PACRG: variants seen among roughly 807,000 people sequenced by gnomAD.
The protein encoded by PACRG is parkin coregulated, also known as parkin coregulated gene protein.
PACRG carries 29 observed loss-of-function variants against 29.7 expected under a neutral mutation model. That is an observed-to-expected ratio of 0.98 (90% confidence interval 0.73 to 1.33). PACRG has a LOEUF of 1.33. Ranked by LOEUF, PACRG falls within the 40% of genes most tolerant of loss-of-function variation. The probability of loss-of-function intolerance (pLI) is 0.00; values close to 1 mark genes in which losing one functional copy is unlikely to be tolerated. For synonymous variants in PACRG, 116 were observed against 118.7 expected (o/e 0.98, Z 0.15); for missense variants, 279 against 316.2 (o/e 0.88, Z 0.89).
chr6:163,008,065 A>G (rs1409639646), intron 2 of PACRG, among the ~76,000 whole-genome samples: 1 of 152,220 alleles, frequency 6.6e-6, no homozygotes, highest in African/African-American at 2.4e-5. Context: ...CTCTAGAAGC[A>G]CATTAGAGAA....
chr6:163,144,400 A>G (rs1433901480), intron 4 of PACRG, among the ~76,000 whole-genome samples: 1 of 152,128 alleles, frequency 6.6e-6, no homozygotes, highest in Non-Finnish European at 1.5e-5. Context: ...GTGGGTTAGT[A>G]ATATGTAATG....
intron 4 of PACRG, among the ~76,000 whole-genome samples, chr6:163,309,029 ATT>A (rs143771127): frequency 6.6e-6 from 1 of 151,572 alleles, no homozygotes; most frequent in African/African-American, 2.4e-5. Flanking sequence ...TTCTGTCAGC[ATT>A]TTTTTTTTAA....
chr6:163,314,426 C>A (rs1321371025), intron 4 of PACRG, among the ~76,000 whole-genome samples: 7 of 152,130 alleles, frequency 4.6e-5, no homozygotes, highest in African/African-American at 1.7e-4. Flanking sequence ...AAAGCAGATC[C>A]ATTTTAAATC....
intron 1 of PACRG, among the ~76,000 whole-genome samples, chr6:162,764,747 C>CT (rs35179604): frequency 0.079 from 11,426 of 144,186 alleles, 597 homozygotes; most frequent in Middle Eastern, 0.16. Context: ...GGAATCCAAA[C>CT]TTTTTTTTTT....
At chr6:162,848,118 G>A (rs1175230873) in intron 2 of PACRG, among the ~76,000 whole-genome samples, 2 of 152,126 alleles carry the variant, frequency 1.3e-5, no homozygotes, top group East Asian at 1.9e-4. Flanking sequence ...TGGAGGCTGC[G>A]GCCCAGGAGA....
At chr6:162,952,096 A>T (rs1799697213) in intron 2 of PACRG, among the ~76,000 whole-genome samples, 1 of 152,206 alleles carries the variant, frequency 6.6e-6, no homozygotes, top group Admixed American at 6.5e-5. Flanking sequence ...ATGATCCTTT[A>T]TCTCTACCTC....
intron 2 of PACRG, among the ~76,000 whole-genome samples, chr6:162,936,349 A>G (rs1406231683): frequency 6.6e-6 from 1 of 152,220 alleles, no homozygotes; most frequent in Non-Finnish European, 1.5e-5. Flanking sequence ...ACTTGCCATA[A>G]GTAGAATCTC....
At chr6:163,312,952 G>T (rs1785491867) in intron 4 of PACRG, 3 of 245,034 alleles carry the variant, frequency 1.2e-5, no homozygotes, top group Non-Finnish European at 2.5e-5. Flanking sequence ...ATGGGGTCTT[G>T]CTGTTGTTGC....
chr6:162,970,983 G>T (rs959568187), intron 2 of PACRG, among the ~76,000 whole-genome samples: 1 of 152,178 alleles, frequency 6.6e-6, no homozygotes, highest in Non-Finnish European at 1.5e-5. Context: ...ACGAGATGTG[G>T]TCATCTTCAC....
chr6:163,165,053 G>A (rs1000080874), intron 4 of PACRG, among the ~76,000 whole-genome samples: 2 of 152,020 alleles, frequency 1.3e-5, no homozygotes, highest in Non-Finnish European at 2.9e-5. Context: ...GTCTATGGGG[G>A]TTTAAAAAAA....
chr6:162,913,854 CT>C (rs1796488356), intron 2 of PACRG, among the ~76,000 whole-genome samples: 2 of 152,020 alleles, frequency 1.3e-5, no homozygotes, highest in African/African-American at 4.8e-5. Context: ...TTTTTATGTA[CT>C]TTTTAGTGTG....
chr6:162,854,151 G>A (rs1438544215), intron 2 of PACRG, among the ~76,000 whole-genome samples: 2 of 132,512 alleles, frequency 1.5e-5, no homozygotes, highest in Non-Finnish European at 3.2e-5. Flanking sequence ...GGGAGAAGGA[G>A]ACCATTTTCT....
chr6:163,131,291 G>A (rs895605059), intron 4 of PACRG, among the ~76,000 whole-genome samples: 11 of 147,370 alleles, frequency 7.5e-5, no homozygotes, highest in Non-Finnish European at 1.0e-4. Context: ...CAGCCTGGGC[G>A]ACAGAGCGAG....
intron 2 of PACRG, among the ~76,000 whole-genome samples, chr6:162,954,439 CT>C (rs1324200239): frequency 3.6e-3 from 485 of 133,360 alleles, no homozygotes; most frequent in Middle Eastern, 7.5e-3. Context: ...TCCTGAGTTG[CT>C]TTTTTTTTTT....
At chr6:163,163,434 A>G (rs956666452) in intron 4 of PACRG, among the ~76,000 whole-genome samples, 2 of 151,908 alleles carry the variant, frequency 1.3e-5, no homozygotes, top group African/African-American at 4.8e-5. Context: ...ACCACGCCCG[A>G]CTAATTTTTG....
intron 4 of PACRG, among the ~76,000 whole-genome samples, chr6:163,153,747 T>G (rs1333025192): frequency 6.6e-6 from 1 of 152,140 alleles, no homozygotes; most frequent in East Asian, 1.9e-4. Context: ...AAATTTAGTG[T>G]GGGAAAAAGA....
chr6:163,017,647 C>A (rs1011640741), intron 2 of PACRG, among the ~76,000 whole-genome samples: 1 of 151,886 alleles, frequency 6.6e-6, no homozygotes, highest in Non-Finnish European at 1.5e-5. Flanking sequence ...GTGGTTGTTG[C>A]AGAAAGTTGA....
rs558661926 is a variant in PACRG, at chr6:163,145,173, C to T, written c.613+55765C>T. On this transcript the variant is annotated intron_variant, in intron 4 of 4. Transcript: ENST00000366888. ...GTTTGATTCTGGTCTCTATCCCTTTCCAGCTAAATCTTACATCTTAGACAA... is the reference window on the plus strand; with the variant it reads ...GTTTGATTCTGGTCTCTATCCCTTTTCAGCTAAATCTTACATCTTAGACAA... 2.8e-4 allele frequency among the ~76,000 whole-genome samples: 42 copies of T among 152,282 alleles called. No individual in the cohort carries two copies. In the South Asian group the frequency reaches 7.0e-3, roughly 26 times the overall value.
chr6:163,260,167 C>T (rs1363624260), intron 4 of PACRG, among the ~76,000 whole-genome samples: 1 of 152,238 alleles, frequency 6.6e-6, no homozygotes, highest in Non-Finnish European at 1.5e-5. Flanking sequence ...CCAAGCACTT[C>T]CATGGAGCTC....
Sources: allele counts gnomAD v4.1 joint callset (sites outside exome capture counted in the v4.1 genomes callset), GRCh38; gene constraint gnomAD v4.1.1; transcripts MANE v1.5; gene names NCBI Gene and HGNC (gene_info 2026-07-23, HGNC 2026-07-21).